The following PGS1 variants were observed in gnomAD, a reference collection of about 807,000 sequenced individuals.
The protein encoded by PGS1 is phosphatidylglycerophosphate synthase 1, also known as CDP-diacylglycerol--glycerol-3-phosphate 3-phosphatidyltransferase, mitochondrial.
Under a neutral mutation model 58.3 loss-of-function variants are expected in PGS1, and 44 were observed. The ratio of observed to expected loss-of-function variants is 0.75; its 90% confidence interval spans 0.59 to 0.97. The LOEUF (loss-of-function observed/expected upper bound fraction) is 0.97, where lower values mean the gene tolerates loss of function less well. Ranked by LOEUF, PGS1 falls within the 50% of genes least tolerant of loss-of-function variation. The pLI is 0.00. For synonymous variants in PGS1, 330 were observed against 311.0 expected, an observed-to-expected ratio of 1.06 and a Z score of -0.64; for missense variants, 684 against 731.1, an observed-to-expected ratio of 0.94 and a Z score of 0.74.
chr17:78,409,791 C>T (rs946441292), intron 7 of PGS1, among the ~76,000 whole-genome samples: 1 of 152,212 alleles, frequency 6.6e-6, no homozygotes, highest in African/African-American at 2.4e-5. Context: ...TGCATGTACT[C>T]TTAAAATGTT....
At chr17:78,403,507 C>A (rs2083863913) in intron 6 of PGS1, 61 bp from the exon 7 acceptor site, 3 of 1,534,496 alleles carry the variant, frequency 2.0e-6, no homozygotes, top group East Asian at 4.5e-5. Flanking sequence ...GTCCCCTGAG[C>A]TGGGCAGAGT....
At position 78,414,931 on chromosome 17, in the gene PGS1, CT is replaced by C. The variant is rs1567999493; in HGVS notation, c.1456del (p.Ser486LeufsTer20). On this transcript the variant is annotated frameshift_variant, in exon 8 of 10. Coordinates refer to ENST00000262764, the MANE Select transcript of PGS1 (RefSeq NM_024419.5). LOFTEE classifies it high-confidence loss of function. The part of the protein sequence containing the change: ...SSLPCLTLIG[S>X]PNFGYRSVHR... The stretch of plus-strand genomic sequence containing the variant: ...GCCTGCCCTGTCTCACGCTGATTGG[CT>C]CTCCTAATTTTGGGTACAGGTCAGT... 6.2e-7 allele frequency: 1 copy of C among 1,614,108 alleles called. No individual in the cohort carries two copies. Among genetic ancestry groups the C allele is most frequent in the South Asian group, 1.1e-5 (1 of 91,068 alleles).
chr17:78,381,702 G>T (rs1395354162), intron 1 of PGS1, among the ~76,000 whole-genome samples: 1 of 152,220 alleles, frequency 6.6e-6, no homozygotes, highest in African/African-American at 2.4e-5. Flanking sequence ...TGAGTCAGCT[G>T]TTGGAGGGCC....
chr17:78,390,628 C>A (rs563437652), intron 1 of PGS1, among the ~76,000 whole-genome samples: 4 of 152,192 alleles, frequency 2.6e-5, no homozygotes, highest in African/African-American at 9.7e-5. Flanking sequence ...CCCCCACGTC[C>A]CTCTTGAGGT....
chr17:78,418,105 T>G (rs1281027553), intron 8 of PGS1, among the ~76,000 whole-genome samples: 3 of 151,608 alleles, frequency 2.0e-5, no homozygotes, highest in Non-Finnish European at 2.9e-5. Flanking sequence ...AATGTTTGTA[T>G]TTTTGGTAGA....
Position 78,389,336 on chromosome 17 carries a change from C to T in PGS1, c.144-3140C>T, listed in dbSNP as rs1015577316. On this transcript the variant is annotated intron_variant, in intron 1 of 9. Transcript: ENST00000262764. The stretch of plus-strand genomic sequence containing the variant: ...GAGTAGCTGGGACTACAGGTGTGTG[C>T]GCCACCATGCCCGGCTAATTTTTGT... Among the ~76,000 whole-genome samples, 11 of 151,802 alleles carry T rather than the reference C, an allele frequency of 7.2e-5. No individual in the cohort carries two copies. The Middle Eastern group carries it at 0.017, about 236-fold the overall frequency.
At position 78,419,510 on chromosome 17, in the gene PGS1, G is replaced by A. The variant is rs199550026; in HGVS notation, c.1552-36G>A. The A allele has an allele frequency of 1.9e-4, 299 of 1,582,774 alleles. No homozygotes were observed. In the East Asian group the frequency reaches 5.4e-3, roughly 28 times the overall value. On this transcript the variant is annotated intron_variant, in intron 8 of 9. Coordinates refer to ENST00000262764, the MANE Select transcript of PGS1 (RefSeq NM_024419.5). ...GGCCATGTGGTGTGGTGCTGGAGGGGACTCCTCACTATTCCTGTCTGTTCC... is the reference window on the plus strand; with the variant it reads ...GGCCATGTGGTGTGGTGCTGGAGGGAACTCCTCACTATTCCTGTCTGTTCC...
intron 9 of PGS1, chr17:78,420,725 T>C (rs1461003273): frequency 6.6e-6 from 1 of 152,262 alleles, no homozygotes; most frequent in East Asian, 1.9e-4. Flanking sequence ...TTAATTACTT[T>C]TCATTTTATT....
intron 7 of PGS1, among the ~76,000 whole-genome samples, chr17:78,407,307 C>T (rs377085085): frequency 2.0e-5 from 3 of 152,136 alleles, no homozygotes; most frequent in African/African-American, 7.2e-5. Context: ...AAGTGAGAGG[C>T]GAGGGTCCTT....
intron 7 of PGS1, among the ~76,000 whole-genome samples, chr17:78,409,469 T>C (rs1283739650): frequency 6.6e-6 from 1 of 152,262 alleles, no homozygotes; most frequent in East Asian, 1.9e-4. Flanking sequence ...GGTGAACTGA[T>C]GGTGAGAGGC....
At chr17:78,399,618 C>T (rs190314625) in intron 5 of PGS1, 81 bp downstream of exon 5, 148 of 1,408,388 alleles carry the variant, frequency 1.1e-4, no homozygotes, top group Non-Finnish European at 1.3e-4. Context: ...GTGGGAAACC[C>T]GTTCCCCTCA....
chr17:78,408,672 G>A (rs1180327152), intron 7 of PGS1, among the ~76,000 whole-genome samples: 1 of 152,178 alleles, frequency 6.6e-6, no homozygotes, highest in East Asian at 1.9e-4. Flanking sequence ...TGATTCGGTC[G>A]TGAAGGAAGG....
At chr17:78,403,090 T>A (rs971738664) in intron 6 of PGS1, among the ~76,000 whole-genome samples, 2 of 152,214 alleles carry the variant, frequency 1.3e-5, no homozygotes, top group African/African-American at 2.4e-5. Context: ...TGCTCCTTTT[T>A]TGGTTATACT....
In PGS1 at chr17:78,392,637, C is replaced by T. The variant is rs777925858; in HGVS notation, c.305C>T (p.Ser102Phe). 2.5e-6 allele frequency: 4 copies of T among 1,613,956 alleles called. No individual in the cohort carries two copies. Among genetic ancestry groups the T allele is most frequent in the Non-Finnish European group, 2.5e-6 (3 of 1,179,938 alleles). Reference sequence around the variant, plus strand: ...AGTTCTCACGTTAGGGTGCTTTCTTCCCCGGCAGAGTTTTTCGAGCTCATG... The same window carrying T: ...AGTTCTCACGTTAGGGTGCTTTCTTTCCCGGCAGAGTTTTTCGAGCTCATG... The part of the protein sequence containing the change: ...VSSSHVRVLS[S>F]PAEFFELMKG... The change falls in exon 2 of 10, where the codon TCC becomes TTC. Residue 102 changes from serine (S) to phenylalanine (F), a missense_variant. Coordinates refer to ENST00000262764, the MANE Select transcript of PGS1 (RefSeq NM_024419.5).
At chr17:78,396,768 G>GA (rs1314895827) in intron 3 of PGS1, among the ~76,000 whole-genome samples, 1 of 152,214 alleles carries the variant, frequency 6.6e-6, no homozygotes, top group Non-Finnish European at 1.5e-5. Flanking sequence ...TTGGGGAAGA[G>GA]AAAAAATAAT....
At position 78,415,798 on chromosome 17, in the gene PGS1, G is replaced by A. The variant is rs992140482; in HGVS notation, c.1551+771G>A. On this transcript the variant is annotated intron_variant, in intron 8 of 9. Transcript: ENST00000262764. Reference sequence around the variant, plus strand: ...GTGGTTAGACTTTTGAAATGGGAGCGTGTTACCCTTTTGTCTGAGACCTCG... The same window carrying A: ...GTGGTTAGACTTTTGAAATGGGAGCATGTTACCCTTTTGTCTGAGACCTCG... Among the ~76,000 whole-genome samples the A allele has an allele frequency of 2.6e-5, 4 of 152,178 alleles. No homozygotes were observed. In the South Asian group the frequency reaches 6.2e-4, roughly 24 times the overall value.
intron 1 of PGS1, among the ~76,000 whole-genome samples, chr17:78,391,193 A>C (rs11657865): frequency 0.61 from 92,711 of 152,004 alleles, 28,335 homozygotes; most frequent in Admixed American, 0.65. Context: ...GGTAATCTGC[A>C]CGCCTCGGCC....
rs150682765 is a variant in PGS1, at chr17:78,414,178, G to C, written c.1403-701G>C. On this transcript the variant is annotated intron_variant, in intron 7 of 9. Transcript: ENST00000262764. Reference sequence around the variant, plus strand: ...ACTTGAAATAGGGAGGCTGGGTCAGGGAGACTCACTACATGTTCCTCAGTC... The same window carrying C: ...ACTTGAAATAGGGAGGCTGGGTCAGCGAGACTCACTACATGTTCCTCAGTC... Among the ~76,000 whole-genome samples the C allele has an allele frequency of 2.4e-4, 36 of 152,294 alleles. 1 individual carries two copies. Among genetic ancestry groups the C allele is most frequent in the South Asian group, 1.9e-3 (9 of 4,826 alleles).
rs61073665 is a variant in PGS1 at position 78,409,673 on chromosome 17, A to G, written c.1403-5206A>G. On this transcript the variant is annotated intron_variant, in intron 7 of 9. Coordinates refer to ENST00000262764, the MANE Select transcript of PGS1 (RefSeq NM_024419.5). ...AGGTGAGTGCTTATCCTGTAAGGAT[A>G]AGCCTGTGATGTCTTCTGTCCCCTC... Among the ~76,000 whole-genome samples, 709 of 152,308 alleles carry G rather than the reference A, an allele frequency of 4.7e-3. 3 individuals are homozygous for G. Among genetic ancestry groups the G allele is most frequent in the African/African-American group, 0.016 (675 of 41,566 alleles).
Sources: gnomAD v4.1 joint callset for allele counts (sites outside exome capture counted in the v4.1 genomes callset) on GRCh38, gnomAD v4.1.1 for gene constraint, MANE v1.5 for transcripts, NCBI Gene and HGNC (gene_info 2026-07-23, HGNC 2026-07-21) for gene names.